The following BCAS3 variants were observed in gnomAD, a reference collection of about 807,000 sequenced individuals.
BCAS3 encodes BCAS3 microtubule associated cell migration factor, also known as BCAS4/BCAS3 fusion.
Under a neutral mutation model 116.1 loss-of-function variants are expected in BCAS3, and 53 were observed. That is an observed-to-expected ratio of 0.46 (90% confidence interval 0.37 to 0.57). The LOEUF is 0.57. BCAS3 is among the 20% of genes least tolerant of loss of function. The pLI, the probability that BCAS3 is intolerant of heterozygous loss-of-function variation, is 0.00. For missense variants in BCAS3, 917 were observed against 1,165.4 expected (o/e 0.79, Z 3.10); for synonymous variants, 391 against 408.2 (o/e 0.96, Z 0.51).
Position 61,203,277 on chromosome 17 carries a change from C to A in BCAS3, c.2425+118713C>A, listed in dbSNP as rs2080943444. ...GGTTCAAATGATTCTCCTGCCTCAG[C>A]CTCCCGAGTTGCTGGGATTACAGGT... On this transcript the variant is annotated intron_variant, in intron 22 of 23. Coordinates refer to ENST00000407086, the MANE Select transcript of BCAS3 (RefSeq NM_017679.5). The surrounding 1 kb of genome is among the most constrained non-coding windows in gnomAD (Gnocchi z 5.7). Among the ~76,000 whole-genome samples, 1 of 152,100 alleles carries A rather than the reference C, an allele frequency of 6.6e-6. No homozygotes were observed. The highest frequency in any genetic ancestry group is 1.5e-5 in the Non-Finnish European group (1 of 68,040).
At chr17:60,714,615 G>T (rs956294485) in intron 5 of BCAS3, among the ~76,000 whole-genome samples, 2 of 152,032 alleles carry the variant, frequency 1.3e-5, no homozygotes, top group South Asian at 4.1e-4. Context: ...ATTGCACCAC[G>T]GTACTCTTGC....
At chr17:61,006,831 G>C (rs932416513) in intron 15 of BCAS3, among the ~76,000 whole-genome samples, 1 of 151,920 alleles carries the variant, frequency 6.6e-6, no homozygotes, top group Non-Finnish European at 1.5e-5. Context: ...TTATTTATAC[G>C]TATGAAGAAT....
At chr17:60,698,823 A>G (rs1439361976) in intron 4 of BCAS3, among the ~76,000 whole-genome samples, 1 of 152,216 alleles carries the variant, frequency 6.6e-6, no homozygotes, top group East Asian at 1.9e-4. Flanking sequence ...TGGGAGGCTG[A>G]GGCAGGTGGA....
At position 60,933,237 on chromosome 17, in the gene BCAS3, T is replaced by C. The variant is rs555168264; in HGVS notation, c.1087+8737T>C. Reference sequence around the variant, plus strand: ...ATAAGAACAATAGATTAGTATACTATTATGTTTTTGGACAACAAACTATTT... The same window carrying C: ...ATAAGAACAATAGATTAGTATACTACTATGTTTTTGGACAACAAACTATTT... On this transcript the variant is annotated intron_variant, in intron 13 of 23. Coordinates refer to ENST00000407086, the MANE Select transcript of BCAS3 (RefSeq NM_017679.5). Among the ~76,000 whole-genome samples the C allele has an allele frequency of 5.3e-5, 8 of 152,336 alleles. No homozygotes were observed. The East Asian group carries it at 5.8e-4, about 11-fold the overall frequency.
chr17:61,078,611 G>A, intron 21 of BCAS3, 82 bp downstream of exon 21: 1 of 1,271,986 alleles, frequency 7.9e-7, no homozygotes, highest in Middle Eastern at 2.2e-4. Flanking sequence ...TAATATTTAG[G>A]TTTCCCCTTT....
At position 60,727,048 on chromosome 17, in the gene BCAS3, TA is replaced by T. The variant is rs915405726; in HGVS notation, c.321+17732del. The T allele has an allele frequency of 1.3e-3, 326 of 250,306 alleles. 3 individuals are homozygous for T. The highest frequency in any genetic ancestry group is 3.8e-3 in the African/African-American group (171 of 44,446). The allele number at this position is 250,306 out of a possible 1,614,324, so 15.5% of individuals were successfully genotyped here. A position where few individuals can be genotyped will look rare whatever the true frequency, so the allele number is the denominator to read the frequency against. ...CAGATACCTTTTAAAAAACAGACTTTAAAAAAAAATTATTTATTTATTTTTT... is the reference window on the plus strand; with the variant it reads ...CAGATACCTTTTAAAAAACAGACTTTAAAAAAAATTATTTATTTATTTTTT... On this transcript the variant is annotated intron_variant, in intron 5 of 23. Transcript: ENST00000407086.
In BCAS3 at chr17:60,880,947, T is replaced by C. The variant is rs192752729; in HGVS notation, c.661+6209T>C. 1.6e-3 allele frequency among the ~76,000 whole-genome samples: 222 copies of C among 140,850 alleles called. 1 individual carries two copies. The highest frequency in any genetic ancestry group is 6.8e-3 in the African/African-American group (215 of 31,402). 92.4% of individuals were successfully genotyped at this position (140,850 alleles called of 152,430 possible). A position where few individuals can be genotyped will look rare whatever the true frequency, so the allele number is the denominator to read the frequency against. ...CATTCTTTAGATTGTCTTTTCACTT[T>C]CTTCTTTTTTTTGTTTTGTTTTGTT... On this transcript the variant is annotated intron_variant, in intron 9 of 23. Coordinates refer to ENST00000407086, the MANE Select transcript of BCAS3 (RefSeq NM_017679.5).
chr17:61,244,288 C>T lies in BCAS3; in HGVS notation c.2426-124039C>T, dbSNP rs1215051981. On this transcript the variant is annotated intron_variant, in intron 22 of 23. Transcript: ENST00000407086. This position sits in a 1 kb window ranked among gnomAD's most constrained non-coding sequence, Gnocchi z 4.9. Reference sequence around the variant, plus strand: ...ATTCTTCTATGCATTTGTATACACACATATATACGCTATTGTTTGTAAAAT... The same window carrying T: ...ATTCTTCTATGCATTTGTATACACATATATATACGCTATTGTTTGTAAAAT... 6.6e-6 allele frequency among the ~76,000 whole-genome samples: 1 copy of T among 152,168 alleles called. No homozygotes were observed. The highest frequency in any genetic ancestry group is 1.5e-5 in the Non-Finnish European group (1 of 68,040).
At chr17:61,290,067 G>A (rs1291235199) in intron 22 of BCAS3, among the ~76,000 whole-genome samples, 1 of 152,186 alleles carries the variant, frequency 6.6e-6, no homozygotes, top group Non-Finnish European at 1.5e-5. Context: ...TGTAAAGGGA[G>A]CATGGGAAGG....
intron 4 of BCAS3, among the ~76,000 whole-genome samples, chr17:60,702,137 C>T (rs1334645384): frequency 2.0e-5 from 3 of 152,096 alleles, no homozygotes; most frequent in South Asian, 2.1e-4. Context: ...ATCATGTAAA[C>T]GTATAGATGT....
intron 22 of BCAS3, among the ~76,000 whole-genome samples, chr17:61,320,155 G>A (rs2055088194): frequency 6.6e-6 from 1 of 151,542 alleles, no homozygotes; most frequent in South Asian, 2.1e-4. Flanking sequence ...CTCCCAAAGT[G>A]CTGGGATTAC....
chr17:61,231,349 G>T (rs1041677285), intron 22 of BCAS3, among the ~76,000 whole-genome samples: 22 of 152,150 alleles, frequency 1.4e-4, no homozygotes, highest in Non-Finnish European at 2.4e-4. Flanking sequence ...CAGATGCATA[G>T]TTTGAGAATA....
rs1258465246 is a variant in BCAS3, at chr17:61,368,703, A to C, written c.2593+209A>C. 6.6e-6 allele frequency among the ~76,000 whole-genome samples: 1 copy of C among 152,140 alleles called. No individual in the cohort carries two copies. Among genetic ancestry groups the C allele is most frequent in the Admixed American group, 6.5e-5 (1 of 15,276 alleles). ...CAGTGGAACTGCCCCTCCCACGTGGAATACCACATGCAGGATTGCCATGAT... is the reference window on the plus strand; with the variant it reads ...CAGTGGAACTGCCCCTCCCACGTGGCATACCACATGCAGGATTGCCATGAT... On this transcript the variant is annotated intron_variant, in intron 23 of 23. Coordinates refer to ENST00000407086, the MANE Select transcript of BCAS3 (RefSeq NM_017679.5). This position sits in a 1 kb window ranked among gnomAD's most constrained non-coding sequence, Gnocchi z 6.0.
intron 21 of BCAS3, among the ~76,000 whole-genome samples, chr17:61,080,671 A>T (rs1440448074): frequency 2.0e-5 from 3 of 152,130 alleles, no homozygotes; most frequent in Admixed American, 2.0e-4. Context: ...GCGGCAGGAG[A>T]ATTGCTTGAA....
At position 61,391,143 on chromosome 17, in the gene BCAS3, C is replaced by G. The variant is rs3785838; in HGVS notation, c.2594-834C>G. ...GTCAAGAGATGGTAGGACAATTGAG[C>G]GGCCCACAGCTGAATTAGATGGATC... On this transcript the variant is annotated intron_variant, in intron 23 of 23. Transcript: ENST00000407086. The surrounding 1 kb of genome is among the most constrained non-coding windows in gnomAD (Gnocchi z 7.7). 0.14 allele frequency: 21,546 copies of G among 152,250 alleles called. 4,902 individuals are homozygous for G. The highest frequency in any genetic ancestry group is 0.48 in the African/African-American group (19,787 of 41,460). The allele number at this position is 152,250 out of a possible 1,614,324, so 9.4% of individuals were successfully genotyped here. A position where few individuals can be genotyped will look rare whatever the true frequency, so the allele number is the denominator to read the frequency against.
chr17:60,945,930 C>A (rs554087891), intron 13 of BCAS3, among the ~76,000 whole-genome samples: 1 of 151,958 alleles, frequency 6.6e-6, no homozygotes, highest in Non-Finnish European at 1.5e-5. Context: ...ACCATCCTGG[C>A]TAACATGGTG....
chr17:61,320,030 C>T (rs898766639), intron 22 of BCAS3, among the ~76,000 whole-genome samples: 1 of 151,752 alleles, frequency 6.6e-6, no homozygotes, highest in Non-Finnish European at 1.5e-5. Flanking sequence ...GCTGGGATTA[C>T]AGGCTCGTGC....
Position 61,281,519 on chromosome 17 carries a change from T to C in BCAS3, c.2426-86808T>C, listed in dbSNP as rs1479861897. 6.6e-6 allele frequency among the ~76,000 whole-genome samples: 1 copy of C among 152,250 alleles called. No individual in the cohort carries two copies. The highest frequency in any genetic ancestry group is 1.5e-5 in the Non-Finnish European group (1 of 68,034). On this transcript the variant is annotated intron_variant, in intron 22 of 23. Coordinates refer to ENST00000407086, the MANE Select transcript of BCAS3 (RefSeq NM_017679.5). This position sits in a 1 kb window ranked among gnomAD's most constrained non-coding sequence, Gnocchi z 4.2. ...CAGTGTGTTATCAGATTTTTTGGTC[T>C]CTGCAAATCAGATTCAATGTGTCAT...
intron 22 of BCAS3, among the ~76,000 whole-genome samples, chr17:61,103,025 T>C (rs1351282889): frequency 6.6e-6 from 1 of 152,158 alleles, no homozygotes; most frequent in Non-Finnish European, 1.5e-5. Context: ...TGAATCCCTA[T>C]AGCAGTCTGA....
Sources: allele counts gnomAD v4.1 joint callset (sites outside exome capture counted in the v4.1 genomes callset), GRCh38; gene constraint gnomAD v4.1.1; non-coding constraint Gnocchi (gnomAD v3.1); transcripts MANE v1.5; gene names NCBI Gene and HGNC (gene_info 2026-07-23, HGNC 2026-07-21).